The following SLC67A1 variants were observed in gnomAD, a reference collection of about 807,000 sequenced individuals.
SLC67A1 encodes the protein solute carrier family 67 member 1.
the SLC67A1 span, chr11:2,920,707 C>T: frequency 4.6e-5 from 7 of 152,296 alleles, no homozygotes; most frequent in Admixed American, 2.0e-4. Context: ...CCCCAGACCC[C>T]AAGTCCGGTC....
At chr11:2,911,069 C>T in the SLC67A1 span, among the ~76,000 whole-genome samples, 2 of 152,106 alleles carry the variant, frequency 1.3e-5, no homozygotes, top group East Asian at 1.9e-4. Flanking sequence ...GTGCCTCTAC[C>T]GCTGGTGGCC....
At chr11:2,903,050 G>C in the SLC67A1 span, 1 of 463,784 alleles carries the variant, frequency 2.2e-6, no homozygotes, top group Non-Finnish European at 3.5e-6. Context: ...GCAGGGGTCG[G>C]GGGGAGCAGC....
the SLC67A1 span, among the ~76,000 whole-genome samples, chr11:2,914,440 CTTCCCACTCCCGT>C: frequency 6.6e-6 from 1 of 152,240 alleles, no homozygotes; most frequent in East Asian, 1.9e-4. Context: ...GCTGGATTTC[CTTCCCACTCCCGT>C]TTCCCTCCTG....
chr11:2,903,498 C>G, the SLC67A1 span: 1 of 1,613,008 alleles, frequency 6.2e-7, no homozygotes, highest in Non-Finnish European at 8.5e-7. Flanking sequence ...CAGTGAGTAA[C>G]ACACCCCAGC....
At chr11:2,913,252 C>T in the SLC67A1 span, among the ~76,000 whole-genome samples, 2 of 152,180 alleles carry the variant, frequency 1.3e-5, no homozygotes, top group South Asian at 2.1e-4. Flanking sequence ...GTGCCCAGGA[C>T]ACTCCGGTTC....
chr11:2,908,418 G>A, the SLC67A1 span: 8 of 992,786 alleles, frequency 8.1e-6, no homozygotes, highest in Non-Finnish European at 1.2e-5. Flanking sequence ...CAGGTTCCCT[G>A]ACCCCACACC....
chr11:2,903,572 G>C, the SLC67A1 span: 2 of 1,510,134 alleles, frequency 1.3e-6, no homozygotes, highest in South Asian at 1.2e-5. Context: ...CCGTCGCAGA[G>C]AGTGGGGGTG....
At chr11:2,919,492 C>T in the SLC67A1 span, 36 of 1,014,684 alleles carry the variant, frequency 3.5e-5, no homozygotes, top group Non-Finnish European at 5.2e-5. Context: ...TCCTCCCCGG[C>T]GGAGGCTGGG....
At chr11:2,904,089 C>A in the SLC67A1 span, among the ~76,000 whole-genome samples, 16 of 152,290 alleles carry the variant, frequency 1.1e-4, no homozygotes, top group African/African-American at 3.9e-4. Context: ...TAGTCTATAC[C>A]ACAGTGTGTG....
the SLC67A1 span, among the ~76,000 whole-genome samples, chr11:2,904,189 G>A: frequency 6.6e-6 from 1 of 152,198 alleles, no homozygotes; most frequent in African/African-American, 2.4e-5. Flanking sequence ...AAGAAGCTCA[G>A]GCAGAGTCAG....
the SLC67A1 span, chr11:2,925,244 C>T: frequency 8.0e-5 from 125 of 1,553,526 alleles, no homozygotes; most frequent in Admixed American, 4.2e-4. The surrounding 1 kb of genome is among the most constrained non-coding windows in gnomAD (Gnocchi z 6.5). Context: ...TAAATCCCTC[C>T]GACCTCTTCC....
chr11:2,908,428 C>T, the SLC67A1 span: 7 of 883,896 alleles, frequency 7.9e-6, no homozygotes, highest in African/African-American at 3.5e-5. Context: ...GACCCCACAC[C>T]GGACCCCCCT....
the SLC67A1 span, among the ~76,000 whole-genome samples, chr11:2,904,429 C>G: frequency 6.6e-6 from 1 of 152,254 alleles, no homozygotes; most frequent in South Asian, 2.1e-4. Context: ...TGCTAAATGG[C>G]TGGGGCCAAG....
At chr11:2,906,468 C>G in the SLC67A1 span, among the ~76,000 whole-genome samples, 1 of 152,142 alleles carries the variant, frequency 6.6e-6, no homozygotes, top group Non-Finnish European at 1.5e-5. Flanking sequence ...TGGAACCAAC[C>G]CAAATGTCCA....
the SLC67A1 span, chr11:2,909,834 G>A: frequency 9.1e-7 from 1 of 1,098,918 alleles, no homozygotes; most frequent in Non-Finnish European, 1.2e-6. Flanking sequence ...GCCACGTGAT[G>A]TGGCTACTGG....
At chr11:2,902,755 C>T in the SLC67A1 span, 7 of 984,978 alleles carry the variant, frequency 7.1e-6, no homozygotes, top group Non-Finnish European at 6.0e-6. Context: ...GAAGGCTGAG[C>T]TATGTCTCCC....
chr11:2,902,755 C>G, the SLC67A1 span: 1 of 985,096 alleles, frequency 1.0e-6, no homozygotes. Flanking sequence ...GAAGGCTGAG[C>G]TATGTCTCCC....
chr11:2,914,471 A>AT, the SLC67A1 span, among the ~76,000 whole-genome samples: 1,736 of 152,026 alleles, frequency 0.011, 33 homozygotes, highest in African/African-American at 0.04. Flanking sequence ...CTGGCAGTTC[A>AT]TTTTTGGGGA....
chr11:2,908,160 C>T, the SLC67A1 span: 1 of 1,038,260 alleles, frequency 9.6e-7, no homozygotes, highest in Non-Finnish European at 1.5e-6. Context: ...ACCCCCTGCC[C>T]ATCCAGGGAC....
Sources: gnomAD v4.1 joint callset for allele counts (sites outside exome capture counted in the v4.1 genomes callset) on GRCh38, gnomAD v4.1.1 for gene constraint, Gnocchi (gnomAD v3.1) non-coding constraint, MANE v1.5 for transcripts, NCBI Gene and HGNC (gene_info 2026-07-23, HGNC 2026-07-21) for gene names.